The following SWT1 variants were observed in gnomAD, a reference collection of about 807,000 sequenced individuals.
The protein encoded by SWT1 is SWT1 RNA endoribonuclease homolog.
SWT1 carries 33 observed loss-of-function variants against 107.3 expected under a neutral mutation model. The observed-to-expected ratio is 0.31, with a 90% CI of 0.23 to 0.41. The LOEUF (loss-of-function observed/expected upper bound fraction) is 0.41, where lower values mean the gene tolerates loss of function less well. Ranked by LOEUF, SWT1 falls within the 10% of genes least tolerant of loss-of-function variation. SWT1 has a pLI of 1.00. For synonymous variants in SWT1, 345 were observed against 348.3 expected, an observed-to-expected ratio of 0.99 and a Z score of 0.11; for missense variants, 898 against 1,028.9, an observed-to-expected ratio of 0.87 and a Z score of 1.74.
In SWT1 at chr1:185,271,367, A is replaced by C; in HGVS notation, c.2486A>C (p.Tyr829Ser). 6.6e-7 allele frequency: 1 copy of C among 1,512,864 alleles called. No individual in the cohort carries two copies. The highest frequency in any genetic ancestry group is 9.2e-7 in the Non-Finnish European group (1 of 1,089,824). 93.7% of individuals were successfully genotyped at this position (1,512,864 alleles called of 1,614,324 possible). A position where few individuals can be genotyped will look rare whatever the true frequency, so the allele number is the denominator to read the frequency against. ...AATTATCAAGATGTTGAGACCCTCT[A>C]TAACTTCCTAATCAAGTATGAGGTA... ...NSNYQDVETL[Y>S]NFLIKYEVNK... Residue 829 changes from tyrosine to serine, a missense_variant, in exon 17 of 19, where the codon TAT (tyrosine) becomes TCT (serine). Coordinates refer to ENST00000367500, the MANE Select transcript of SWT1 (RefSeq NM_017673.7).
chr1:185,232,313 T>C (rs565701997), intron 16 of SWT1, among the ~76,000 whole-genome samples: 2 of 152,334 alleles, frequency 1.3e-5, no homozygotes, highest in African/African-American at 4.8e-5. Context: ...AAGGGTGAAC[T>C]ATTGAGTTCT....
intron 16 of SWT1, among the ~76,000 whole-genome samples, chr1:185,240,441 T>C (rs1203050321): frequency 6.6e-6 from 1 of 152,032 alleles, no homozygotes; most frequent in African/African-American, 2.4e-5. Context: ...CTATTCCTTA[T>C]AAATAGGTGC....
At chr1:185,188,332 G>A (rs1023543807) in intron 9 of SWT1, among the ~76,000 whole-genome samples, 1 of 152,188 alleles carries the variant, frequency 6.6e-6, no homozygotes, top group African/African-American at 2.4e-5. Context: ...TACTGTTACA[G>A]CAGTGCACTG....
chr1:185,197,204 C>T (rs1293019356), intron 10 of SWT1, among the ~76,000 whole-genome samples: 1 of 152,084 alleles, frequency 6.6e-6, no homozygotes, highest in Non-Finnish European at 1.5e-5. Flanking sequence ...GGCCTTTTCT[C>T]CATCTATTGA....
At chr1:185,180,119 G>A (rs939871675) in intron 5 of SWT1, among the ~76,000 whole-genome samples, 3 of 152,196 alleles carry the variant, frequency 2.0e-5, no homozygotes, top group African/African-American at 7.2e-5. Context: ...AGGAGGTTGA[G>A]GCTGTGGTGA....
At chr1:185,280,202 C>G (rs1390563112) in intron 18 of SWT1, among the ~76,000 whole-genome samples, 1 of 152,162 alleles carries the variant, frequency 6.6e-6, no homozygotes, top group East Asian at 1.9e-4. Context: ...CCACTTCACT[C>G]AGCACTTCTC....
intron 16 of SWT1, among the ~76,000 whole-genome samples, chr1:185,252,626 GTTGT>G (rs1456756001): frequency 3.9e-5 from 6 of 152,180 alleles, no homozygotes; most frequent in South Asian, 2.1e-4. Flanking sequence ...TTTTGATGGG[GTTGT>G]TTGTTTTTTT....
rs148703069 is a variant in SWT1 at position 185,175,414 on chromosome 1, A to T, written c.966+301A>T. Among the ~76,000 whole-genome samples, 12 of 152,034 alleles carry T rather than the reference A, an allele frequency of 7.9e-5. No individual in the cohort carries two copies. In the East Asian group the frequency reaches 2.3e-3, roughly 29 times the overall value. The stretch of plus-strand genomic sequence containing the variant: ...GCTAACTTTGGTGTTTTTTGCAGAG[A>T]TGAGGTTTCACCATGTTGCTTAGGC... On this transcript the variant is annotated intron_variant, in intron 5 of 18. Transcript: ENST00000367500.
chr1:185,218,411 A>G (rs568448631), intron 14 of SWT1, among the ~76,000 whole-genome samples: 5 of 152,216 alleles, frequency 3.3e-5, no homozygotes, highest in African/African-American at 1.2e-4. Context: ...CTCGTGTCAA[A>G]TGATCCTCCA....
In SWT1 at chr1:185,192,749, G is replaced by A. The variant is rs535913987; in HGVS notation, c.1523+2107G>A. Among the ~76,000 whole-genome samples the A allele has an allele frequency of 5.3e-4, 80 of 151,484 alleles. 1 individual carries two copies. Among genetic ancestry groups the A allele is most frequent in the Middle Eastern group, 3.4e-3 (1 of 294 alleles). ...TGCAGTCTCTGCCTCTTGGGTTCAAGCGATTCTCCTGTCTCAGCCTCCCAA... is the reference window on the plus strand; with the variant it reads ...TGCAGTCTCTGCCTCTTGGGTTCAAACGATTCTCCTGTCTCAGCCTCCCAA... On this transcript the variant is annotated intron_variant, in intron 10 of 18. Transcript: ENST00000367500.
At chr1:185,223,177 A>G (rs988012664) in intron 15 of SWT1, among the ~76,000 whole-genome samples, 1 of 152,140 alleles carries the variant, frequency 6.6e-6, no homozygotes, top group Admixed American at 6.6e-5. Context: ...AACAGTGTAT[A>G]AAGTGTTCCC....
At chr1:185,287,662 G>T (rs1346501463) in intron 18 of SWT1, among the ~76,000 whole-genome samples, 1 of 152,170 alleles carries the variant, frequency 6.6e-6, no homozygotes, top group African/African-American at 2.4e-5. Flanking sequence ...ACAAGCAGAG[G>T]TGTTAAGGTG....
intron 15 of SWT1, among the ~76,000 whole-genome samples, chr1:185,223,755 G>A (rs1216179228): frequency 6.6e-6 from 1 of 151,992 alleles, no homozygotes; most frequent in Non-Finnish European, 1.5e-5. Flanking sequence ...CAGGCATTAG[G>A]CCTAGTACCC....
At chr1:185,243,255 T>C (rs1016234175) in intron 16 of SWT1, among the ~76,000 whole-genome samples, 1 of 152,068 alleles carries the variant, frequency 6.6e-6, no homozygotes, top group Non-Finnish European at 1.5e-5. Flanking sequence ...ACTACAGGCA[T>C]GTGCCACCAC....
At chr1:185,181,132 G>A (rs1255757001) in intron 6 of SWT1, among the ~76,000 whole-genome samples, 1 of 152,124 alleles carries the variant, frequency 6.6e-6, no homozygotes, top group East Asian at 1.9e-4. Context: ...GCTGGGCATG[G>A]TGGTACATGC....
At chr1:185,172,137 G>A (rs1655127469) in intron 4 of SWT1, among the ~76,000 whole-genome samples, 1 of 152,124 alleles carries the variant, frequency 6.6e-6, no homozygotes, top group Non-Finnish European at 1.5e-5. Context: ...GCACTGAAAA[G>A]GCACACATTT....
chr1:185,188,747 G>C (rs942957642), intron 9 of SWT1, among the ~76,000 whole-genome samples: 1 of 152,216 alleles, frequency 6.6e-6, no homozygotes, highest in Non-Finnish European at 1.5e-5. Flanking sequence ...GAATAAGGTT[G>C]AGATGAATTG....
intron 4 of SWT1, among the ~76,000 whole-genome samples, chr1:185,172,428 CATATGA>C (rs1655153687): frequency 6.6e-6 from 1 of 152,172 alleles, no homozygotes; most frequent in Non-Finnish European, 1.5e-5. Context: ...GATATTCCGT[CATATGA>C]ATATGTCACT....
intron 18 of SWT1, among the ~76,000 whole-genome samples, chr1:185,277,489 C>T (rs958885765): frequency 1.3e-5 from 2 of 152,028 alleles, no homozygotes; most frequent in Non-Finnish European, 1.5e-5. Flanking sequence ...GGAGTTTCAC[C>T]ATGTTGGCCA....
Sources: gnomAD v4.1 joint callset for allele counts (sites outside exome capture counted in the v4.1 genomes callset) on GRCh38, gnomAD v4.1.1 for gene constraint, MANE v1.5 for transcripts, NCBI Gene and HGNC (gene_info 2026-07-23, HGNC 2026-07-21) for gene names.